Variants in TGS1 observed in about 807,000 individuals in gnomAD.
TGS1 encodes the protein trimethylguanosine synthase 1.
In TGS1, 69 loss-of-function variants were observed where a neutral mutation model predicts 92.2. The observed-to-expected ratio is 0.75, with a 90% CI of 0.62 to 0.91. TGS1 has a LOEUF of 0.91. Among genes scored for constraint, TGS1 ranks in the 40% least tolerant of loss-of-function variants. TGS1 has a pLI of 0.00. For missense variants in TGS1, 1,062 were observed against 1,001.2 expected, an observed-to-expected ratio of 1.06 and a Z score of -0.82; for synonymous variants, 345 against 338.1, an observed-to-expected ratio of 1.02 and a Z score of -0.22.
chr8:55,810,883 A>AT lies in TGS1; in HGVS notation c.2148dup (p.Ala717CysfsTer3), dbSNP rs1356126344. 2 of 1,613,576 alleles carry AT rather than the reference A, an allele frequency of 1.2e-6. No homozygotes were observed. The highest frequency in any genetic ancestry group is 1.7e-6 in the Non-Finnish European group (2 of 1,179,710). The stretch of plus-strand genomic sequence containing the variant: ...TTTTTTTCTTTTCCCACTTTTAGTG[A>AT]TTGCCATTGATATCGATCCTGTTAA... On this transcript the variant is annotated frameshift_variant, in exon 11 of 13. Coordinates refer to ENST00000260129, the MANE Select transcript of TGS1 (RefSeq NM_024831.8). LOFTEE classifies it high-confidence loss of function.
chr8:55,773,545 C>A lies in TGS1; in HGVS notation c.-74C>A. On this transcript the variant is annotated 5_prime_UTR_variant, in exon 1 of 13. Transcript: ENST00000260129. ...CTTGCGGGCGAGGCCTGTTTTAAGTCTCCAGTAACCGAGCGGAGGCCCGGC... is the reference window on the plus strand; with the variant it reads ...CTTGCGGGCGAGGCCTGTTTTAAGTATCCAGTAACCGAGCGGAGGCCCGGC... 1 of 1,187,120 alleles carries A rather than the reference C, an allele frequency of 8.4e-7. No homozygotes were observed. Among genetic ancestry groups the A allele is most frequent in the Non-Finnish European group, 1.2e-6 (1 of 821,912 alleles). 73.5% of individuals were successfully genotyped at this position (1,187,120 alleles called of 1,614,324 possible).
At chr8:55,784,484 T>G (rs1176494872) in intron 2 of TGS1, among the ~76,000 whole-genome samples, 1 of 152,120 alleles carries the variant, frequency 6.6e-6, no homozygotes, top group Non-Finnish European at 1.5e-5. Flanking sequence ...GGGTAGTTTG[T>G]TTTTTGGTTT....
intron 7 of TGS1, among the ~76,000 whole-genome samples, chr8:55,797,579 A>G (rs1167720460): frequency 1.3e-5 from 2 of 152,224 alleles, no homozygotes; most frequent in South Asian, 2.1e-4. Context: ...AGGCCAATTT[A>G]TTGATTCACA....
chr8:55,810,878 T>G lies in TGS1; in HGVS notation c.2144-3T>G. The G allele has an allele frequency of 6.2e-7, 1 of 1,613,244 alleles. No individual in the cohort carries two copies. On this transcript the variant is annotated splice_polypyrimidine_tract_variant and splice_region_variant and intron_variant, in intron 10 of 12. Coordinates refer to ENST00000260129, the MANE Select transcript of TGS1 (RefSeq NM_024831.8). The stretch of plus-strand genomic sequence containing the variant: ...ACTCATTTTTTTCTTTTCCCACTTT[T>G]AGTGATTGCCATTGATATCGATCCT...
At chr8:55,787,302 A>T (rs111871566) in intron 4 of TGS1, among the ~76,000 whole-genome samples, 2 of 152,226 alleles carry the variant, frequency 1.3e-5, no homozygotes, top group African/African-American at 4.8e-5. Flanking sequence ...CTAATGAAGG[A>T]AAATGTGGAA....
In TGS1 at chr8:55,786,616, C is replaced by A. The variant is rs1414450477; in HGVS notation, c.718C>A (p.His240Asn). 1 of 1,614,112 alleles carries A rather than the reference C, an allele frequency of 6.2e-7. No homozygotes were observed. The highest frequency in any genetic ancestry group is 1.7e-5 in the Admixed American group (1 of 60,006). ...TGATACAAAGGAAGAATGGGAGCAA[C>A]ATTATAGTCAACTTTATTGGTATTA... Reference protein sequence around the residue: ...FPDTKEEWEQHYSQLYWYYLE... With the variant: ...FPDTKEEWEQNYSQLYWYYLE... The change falls in exon 4 of 13, where the codon CAT becomes AAT. Residue 240 changes from histidine (H) to asparagine (N), a missense_variant. Transcript: ENST00000260129.
chr8:55,802,801 C>T (rs1585778679), intron 9 of TGS1, among the ~76,000 whole-genome samples, 195 bp downstream of exon 9: 1 of 152,140 alleles, frequency 6.6e-6, no homozygotes, highest in East Asian at 1.9e-4. Flanking sequence ...GTACTTAACA[C>T]ACATCATGCT....
Position 55,786,236 on chromosome 8 carries a change from A to T in TGS1, c.340-2A>T. The T allele has an allele frequency of 7.8e-7, 1 of 1,281,478 alleles. No homozygotes were observed. The highest frequency in any genetic ancestry group is 1.1e-6 in the Non-Finnish European group (1 of 929,564). 79.4% of individuals were successfully genotyped at this position (1,281,478 alleles called of 1,614,324 possible). A position where few individuals can be genotyped will look rare whatever the true frequency, so the allele number is the denominator to read the frequency against. ...TATATTCAAGTTATTTATCTGATATAGGTATCTATGAATACTAGAAATAAA... is the reference window on the plus strand; with the variant it reads ...TATATTCAAGTTATTTATCTGATATTGGTATCTATGAATACTAGAAATAAA... On this transcript the variant is annotated splice_acceptor_variant, in intron 3 of 12. Transcript: ENST00000260129. LOFTEE classifies it high-confidence loss of function.
In TGS1 at chr8:55,786,375, A is replaced by G. The variant is rs1404990739; in HGVS notation, c.477A>G (p.Ser159=). ...TTTTGGCTTCAGATGATCCATCTTC[A>G]ATTGAACAGTATGAGAACACCAGAA... The part of the protein sequence containing the change: ...DDILASDDPS[S]IEQYENTRTY... Residue 159 remains serine, a synonymous_variant, in exon 4 of 13, where the codon TCA becomes TCG. Coordinates refer to ENST00000260129, the MANE Select transcript of TGS1 (RefSeq NM_024831.8). The G allele has an allele frequency of 6.2e-7, 1 of 1,613,756 alleles. No homozygotes were observed. Among genetic ancestry groups the G allele is most frequent in the Non-Finnish European group, 8.5e-7 (1 of 1,179,956 alleles).
At chr8:55,808,385 C>T (rs1397482424) in intron 10 of TGS1, among the ~76,000 whole-genome samples, 1 of 152,032 alleles carries the variant, frequency 6.6e-6, no homozygotes, top group Non-Finnish European at 1.5e-5. Flanking sequence ...TTCATTTTGG[C>T]CTTACATCGT....
chr8:55,775,983 T>C (rs750729893), intron 1 of TGS1, among the ~76,000 whole-genome samples: 1 of 152,092 alleles, frequency 6.6e-6, no homozygotes, highest in African/African-American at 2.4e-5. Flanking sequence ...TCCACTAGAA[T>C]TGACTAAATC....
At chr8:55,781,966 T>C (rs1475826784) in intron 1 of TGS1, among the ~76,000 whole-genome samples, 1 of 152,176 alleles carries the variant, frequency 6.6e-6, no homozygotes, top group Non-Finnish European at 1.5e-5. Flanking sequence ...GCTCAGACCA[T>C]GAATACCTTG....
chr8:55,805,059 G>GAACTAT, intron 10 of TGS1, 23 bp downstream of exon 10: 1 of 1,609,364 alleles, frequency 6.2e-7, no homozygotes, highest in Non-Finnish European at 8.5e-7. Flanking sequence ...CAATGGAAGT[G>GAACTAT]AACTATTTTA....
intron 8 of TGS1, among the ~76,000 whole-genome samples, chr8:55,801,757 T>G (rs893102198): frequency 6.7e-6 from 1 of 149,782 alleles, no homozygotes; most frequent in Admixed American, 6.7e-5. Context: ...CCTAGCTGAT[T>G]TTTGCATTTT....
intron 7 of TGS1, among the ~76,000 whole-genome samples, chr8:55,796,487 C>G (rs1021907315): frequency 6.6e-6 from 1 of 151,196 alleles, no homozygotes; most frequent in South Asian, 2.1e-4. Context: ...GTCGGGAGTA[C>G]CAGACAAACC....
intron 12 of TGS1, among the ~76,000 whole-genome samples, chr8:55,821,378 GAGTAA>G (rs888252050): frequency 2.6e-5 from 4 of 152,118 alleles, no homozygotes; most frequent in African/African-American, 9.7e-5. Context: ...AATAGTTATT[GAGTAA>G]AGTAATTTAT....
At chr8:55,815,334 G>T (rs917255238) in intron 12 of TGS1, among the ~76,000 whole-genome samples, 14 of 151,890 alleles carry the variant, frequency 9.2e-5, no homozygotes, top group African/African-American at 3.1e-4. Flanking sequence ...AATTTTTTTT[G>T]CTATCAAATT....
intron 5 of TGS1, 111 bp from the exon 6 acceptor site, chr8:55,792,587 T>C: frequency 3.0e-6 from 2 of 660,644 alleles, no homozygotes; most frequent in South Asian, 2.0e-5. Flanking sequence ...TATGGTTGAC[T>C]ATGGTGTTGG....
At position 55,813,044 on chromosome 8, in the gene TGS1, G is replaced by C. The variant is rs28505481; in HGVS notation, c.2365G>C (p.Glu789Gln). ...IRTMMSPDGF[E>Q]IFRLSKKITN... ...TTTTCCTTAACTGCTGTCCACCTTTGAAATTTTCAGACTTTCTAAGAAGAT... is the reference window on the plus strand; with the variant it reads ...TTTTCCTTAACTGCTGTCCACCTTTCAAATTTTCAGACTTTCTAAGAAGAT... The change falls in exon 12 of 13, where the codon GAA becomes CAA. Residue 789 changes from glutamate to glutamine, a missense_variant. Coordinates refer to ENST00000260129, the MANE Select transcript of TGS1 (RefSeq NM_024831.8). 1 of 1,605,880 alleles carries C rather than the reference G, an allele frequency of 6.2e-7. No individual in the cohort carries two copies. The highest frequency in any genetic ancestry group is 1.1e-5 in the South Asian group (1 of 90,450).
Sources: allele counts gnomAD v4.1 joint callset (sites outside exome capture counted in the v4.1 genomes callset), GRCh38; gene constraint gnomAD v4.1.1; transcripts MANE v1.5; gene names NCBI Gene and HGNC (gene_info 2026-07-23, HGNC 2026-07-21).